TNIP3: variants seen among roughly 807,000 people sequenced by gnomAD.
The protein encoded by TNIP3 is TNFAIP3-interacting protein 3.
In TNIP3, 34 loss-of-function variants were observed where a neutral mutation model predicts 54.1. The observed-to-expected ratio is 0.63, with a 90% CI of 0.48 to 0.84. The LOEUF is 0.84. TNIP3 is among the 40% of genes least tolerant of loss of function. TNIP3 has a pLI of 0.00. For synonymous variants in TNIP3, 134 were observed against 136.8 expected, an observed-to-expected ratio of 0.98 and a Z score of 0.14; for missense variants, 366 against 387.6, an observed-to-expected ratio of 0.94 and a Z score of 0.47.
At chr4:121,195,175 A>G (rs1397223172) in intron 2 of TNIP3, among the ~76,000 whole-genome samples, 1 of 138,616 alleles carries the variant, frequency 7.2e-6, no homozygotes, top group East Asian at 1.9e-4. Context: ...AAACAAAACA[A>G]AAAAAAAACT....
chr4:121,168,552 G>A (rs1341460191), upstream of TNIP3, among the ~76,000 whole-genome samples: 1 of 135,766 alleles, frequency 7.4e-6, no homozygotes, highest in Non-Finnish European at 1.6e-5. Flanking sequence ...ACAGAGTTAT[G>A]TTCTGTAGTA....
intron 2 of TNIP3, among the ~76,000 whole-genome samples, chr4:121,210,169 T>C (rs978440296): frequency 6.6e-6 from 1 of 152,188 alleles, no homozygotes; most frequent in African/African-American, 2.4e-5. Context: ...AGGGTAGGTA[T>C]GAGGTGCCCT....
chr4:121,169,045 C>A (rs1308762368), upstream of TNIP3, among the ~76,000 whole-genome samples: 2 of 152,018 alleles, frequency 1.3e-5, no homozygotes, highest in Non-Finnish European at 2.9e-5. Flanking sequence ...TCCACTCCCC[C>A]CTCCCCATTA....
intron 9 of TNIP3, among the ~76,000 whole-genome samples, chr4:121,139,525 G>C (rs562878645): frequency 1.1e-4 from 16 of 152,214 alleles, no homozygotes; most frequent in Admixed American, 3.3e-4. Context: ...AGAGAATATA[G>C]ATTTTTTTGT....
chr4:121,139,719 C>T (rs1217593659), intron 9 of TNIP3, among the ~76,000 whole-genome samples: 2 of 152,278 alleles, frequency 1.3e-5, no homozygotes, highest in East Asian at 1.9e-4. Flanking sequence ...CTACTCTAGA[C>T]ACCTAGGCCC....
chr4:121,212,273 A>C (rs1046622112), intron 2 of TNIP3, among the ~76,000 whole-genome samples: 1 of 152,162 alleles, frequency 6.6e-6, no homozygotes, highest in Non-Finnish European at 1.5e-5. Context: ...GCTTTTCTGA[A>C]ATGTGCTTTA....
At chr4:121,148,719 T>C (rs1286914237) in intron 6 of TNIP3, among the ~76,000 whole-genome samples, 1 of 152,202 alleles carries the variant, frequency 6.6e-6, no homozygotes, top group Non-Finnish European at 1.5e-5. Flanking sequence ...TGCTATAAAA[T>C]TTTTAGATCT....
intron 3 of TNIP3, among the ~76,000 whole-genome samples, chr4:121,170,316 G>A (rs990662984): frequency 1.2e-4 from 18 of 152,156 alleles, no homozygotes; most frequent in South Asian, 6.2e-4. Context: ...GAATGAGTCC[G>A]TTTATGTATG....
At chr4:121,215,214 T>C (rs1395483376) in intron 2 of TNIP3, among the ~76,000 whole-genome samples, 3 of 152,194 alleles carry the variant, frequency 2.0e-5, no homozygotes, top group Admixed American at 2.0e-4. Context: ...ATATTGAAAG[T>C]ACAGATGGGC....
At chr4:121,188,420 A>C (rs971736244) in intron 2 of TNIP3, among the ~76,000 whole-genome samples, 10 of 152,290 alleles carry the variant, frequency 6.6e-5, no homozygotes, top group African/African-American at 2.2e-4. Flanking sequence ...CAGAGAGGAC[A>C]CAGGAAGAGA....
intron 8 of TNIP3, among the ~76,000 whole-genome samples, chr4:121,142,509 T>C (rs1729179447): frequency 6.6e-6 from 1 of 152,252 alleles, no homozygotes; most frequent in Non-Finnish European, 1.5e-5. Flanking sequence ...GTGCTACTGG[T>C]AACATGCTCT....
At chr4:121,196,943 C>A (rs146349820) in intron 2 of TNIP3, among the ~76,000 whole-genome samples, 1 of 151,652 alleles carries the variant, frequency 6.6e-6, no homozygotes, top group Non-Finnish European at 1.5e-5. Flanking sequence ...AAATAAAATT[C>A]TCCTTCTTTT....
At chr4:121,225,412 G>A (rs891949398) in intron 1 of TNIP3, among the ~76,000 whole-genome samples, 1 of 152,134 alleles carries the variant, frequency 6.6e-6, no homozygotes, top group African/African-American at 2.4e-5. Context: ...AATTTCATTA[G>A]AAAAGCATTT....
At chr4:121,172,757 C>T (rs1008331774) in intron 3 of TNIP3, among the ~76,000 whole-genome samples, 1 of 152,130 alleles carries the variant, frequency 6.6e-6, no homozygotes, top group African/African-American at 2.4e-5. Context: ...GGGGATAATT[C>T]TTGCATACCA....
At chr4:121,221,263 T>C (rs1727013686), upstream of TNIP3, among the ~76,000 whole-genome samples, 1 of 152,172 alleles carries the variant, frequency 6.6e-6, no homozygotes, top group East Asian at 1.9e-4. Context: ...ACTCTTAATA[T>C]ATAAAATAGC....
At chr4:121,198,366 C>A (rs572731164) in intron 2 of TNIP3, among the ~76,000 whole-genome samples, 1 of 152,200 alleles carries the variant, frequency 6.6e-6, no homozygotes, top group Admixed American at 6.5e-5. Flanking sequence ...ATAGCATAAA[C>A]TTTCTGGTGC....
upstream of TNIP3, among the ~76,000 whole-genome samples, chr4:121,221,155 T>C (rs1727009099): frequency 6.6e-6 from 1 of 152,252 alleles, no homozygotes; most frequent in African/African-American, 2.4e-5. Context: ...AGATCCTTGC[T>C]ATTATTGGTA....
intron 2 of TNIP3, among the ~76,000 whole-genome samples, chr4:121,200,428 C>G (rs896621): frequency 0.34 from 52,309 of 151,924 alleles, 10,916 homozygotes; most frequent in African/African-American, 0.59. Context: ...TTGTCAGGCT[C>G]AGGGGGTTTT....
intron 2 of TNIP3, among the ~76,000 whole-genome samples, chr4:121,185,889 A>G (rs7684168): frequency 0.31 from 46,624 of 151,920 alleles, 7,910 homozygotes; most frequent in African/African-American, 0.46. Flanking sequence ...GACTTTTCAC[A>G]GAAATAATCA....
Sources: allele counts gnomAD v4.1 joint callset (sites outside exome capture counted in the v4.1 genomes callset), GRCh38; gene constraint gnomAD v4.1.1; transcripts MANE v1.5; gene names NCBI Gene and HGNC (gene_info 2026-07-23, HGNC 2026-07-21).